CNTN3: variants seen among roughly 807,000 people sequenced by gnomAD.
CNTN3 encodes contactin-3.
A neutral mutation model predicts 119.1 loss-of-function variants in CNTN3; 60 were observed. The observed-to-expected ratio is 0.50, with a 90% CI of 0.41 to 0.62. The LOEUF (loss-of-function observed/expected upper bound fraction) is 0.62, where lower values mean the gene tolerates loss of function less well. CNTN3 is among the 20% of genes least tolerant of loss of function. CNTN3 has a pLI of 0.00. For missense variants in CNTN3, 1,101 were observed against 1,242.4 expected (o/e 0.89, Z 1.71); for synonymous variants, 450 against 438.7 (o/e 1.03, Z -0.32).
intron 11 of CNTN3, among the ~76,000 whole-genome samples, chr3:74,344,996 G>A (rs1261420435): frequency 6.6e-6 from 1 of 152,080 alleles, no homozygotes; most frequent in East Asian, 1.9e-4. Context: ...ATCCAATGAC[G>A]CAGAAGTAGG....
At chr3:74,366,969 A>G (rs1262088095) in intron 8 of CNTN3, among the ~76,000 whole-genome samples, 1 of 148,946 alleles carries the variant, frequency 6.7e-6, no homozygotes, top group Non-Finnish European at 1.5e-5. Context: ...AAAAAAAAAA[A>G]AAAAATCCCA....
chr3:74,313,107 T>C (rs914674249), intron 13 of CNTN3, among the ~76,000 whole-genome samples: 3 of 150,388 alleles, frequency 2.0e-5, no homozygotes, highest in Non-Finnish European at 3.0e-5. Flanking sequence ...AGCTCAATGA[T>C]ACAAAAATAG....
At chr3:74,588,220 T>C (rs951983411) in intron 1 of CNTN3, among the ~76,000 whole-genome samples, 9 of 151,952 alleles carry the variant, frequency 5.9e-5, no homozygotes, top group East Asian at 5.8e-4. Flanking sequence ...TCAATGTTCA[T>C]CAAAATCTCC....
intron 1 of CNTN3, among the ~76,000 whole-genome samples, chr3:74,583,184 TGA>T (rs975959086): frequency 2.6e-5 from 4 of 152,106 alleles, no homozygotes; most frequent in Non-Finnish European, 5.9e-5. Flanking sequence ...GTTTGGTGTG[TGA>T]GAGTTAGGTG....
chr3:74,521,222 T>TA (rs59140298), intron 1 of CNTN3, 30 bp from the exon 2 acceptor site: 15,204 of 317,474 alleles, frequency 0.048, 164 homozygotes, highest in East Asian at 0.071. Flanking sequence ...AGAAGTTCGT[T>TA]AAAAAAAAAA....
chr3:74,399,730 A>G (rs945152123), intron 5 of CNTN3, among the ~76,000 whole-genome samples: 2 of 152,160 alleles, frequency 1.3e-5, no homozygotes, highest in Non-Finnish European at 2.9e-5. Flanking sequence ...ATCTTCCACA[A>G]TAGCTGAACT....
At chr3:74,467,644 A>G (rs1456062980) in intron 4 of CNTN3, among the ~76,000 whole-genome samples, 1 of 152,130 alleles carries the variant, frequency 6.6e-6, no homozygotes, top group Non-Finnish European at 1.5e-5. Flanking sequence ...ATCTGAAATT[A>G]AGGGGTTGAG....
intron 5 of CNTN3, among the ~76,000 whole-genome samples, chr3:74,378,644 C>A (rs1559571892): frequency 6.6e-6 from 1 of 152,168 alleles, no homozygotes; most frequent in Non-Finnish European, 1.5e-5. Flanking sequence ...CACACTCATT[C>A]AATTACTATT....
intron 3 of CNTN3, among the ~76,000 whole-genome samples, chr3:74,493,460 G>C (rs1476797340): frequency 6.6e-6 from 1 of 152,090 alleles, no homozygotes; most frequent in African/African-American, 2.4e-5. Flanking sequence ...ACATTCTAGA[G>C]AGAAACAAAC....
At chr3:74,428,602 T>C (rs975945167) in intron 4 of CNTN3, among the ~76,000 whole-genome samples, 1 of 152,222 alleles carries the variant, frequency 6.6e-6, no homozygotes, top group African/African-American at 2.4e-5. Context: ...TCAAAATTCA[T>C]AAAACATTAA....
chr3:74,358,440 T>TA lies in CNTN3; in HGVS notation c.1364+3449dup, dbSNP rs748434044. Among the ~76,000 whole-genome samples, 1,130 of 135,174 alleles carry TA rather than the reference T, an allele frequency of 8.4e-3. 5 individuals carry two copies. Among genetic ancestry groups the TA allele is most frequent in the East Asian group, 0.036 (170 of 4,702 alleles). The allele number at this position is 135,174 out of a possible 152,430, so 88.7% of individuals were successfully genotyped here. A position where few individuals can be genotyped will look rare whatever the true frequency, so the allele number is the denominator to read the frequency against. ...TGTTTATTGGGTGCATTCCCGTCCA[T>TA]AAAAAAAAAAAAAAATTCTGTATTT... On this transcript the variant is annotated intron_variant, in intron 11 of 22. Transcript: ENST00000263665.
At chr3:74,427,879 GA>G (rs529840836) in intron 4 of CNTN3, among the ~76,000 whole-genome samples, 1,873 of 151,654 alleles carry the variant, frequency 0.012, 20 homozygotes, top group Non-Finnish European at 0.017. Flanking sequence ...TAATGAAAAA[GA>G]AAAAAAATGC....
intron 13 of CNTN3, among the ~76,000 whole-genome samples, chr3:74,316,364 G>C (rs1246544093): frequency 6.6e-6 from 1 of 152,138 alleles, no homozygotes; most frequent in African/African-American, 2.4e-5. Flanking sequence ...GTGGAGTAAA[G>C]GAAACAGGTA....
chr3:74,499,393 A>G (rs990493019), intron 3 of CNTN3, among the ~76,000 whole-genome samples: 2 of 152,100 alleles, frequency 1.3e-5, no homozygotes, highest in African/African-American at 4.8e-5. Flanking sequence ...TGTAAATCCA[A>G]GTTTATAAAT....
chr3:74,444,197 T>C (rs1043049939), intron 4 of CNTN3, among the ~76,000 whole-genome samples: 7 of 152,232 alleles, frequency 4.6e-5, no homozygotes, highest in African/African-American at 1.7e-4. Context: ...ATGGCTCATC[T>C]TAACTACTTA....
intron 1 of CNTN3, among the ~76,000 whole-genome samples, chr3:74,558,870 G>A (rs987444786): frequency 2.0e-5 from 3 of 151,836 alleles, no homozygotes; most frequent in African/African-American, 7.3e-5. Context: ...TGTAATCCCA[G>A]CTGTTCTGGA....
At chr3:74,295,364 T>C (rs1037078094) in intron 18 of CNTN3, 128 bp from the exon 19 acceptor site, 1 of 561,000 alleles carries the variant, frequency 1.8e-6, no homozygotes, top group Non-Finnish European at 3.1e-6. Context: ...TCTGGCACCA[T>C]ATGTTGAAAA....
intron 13 of CNTN3, among the ~76,000 whole-genome samples, chr3:74,313,233 A>C (rs1702741057): frequency 6.6e-6 from 1 of 152,150 alleles, no homozygotes; most frequent in Non-Finnish European, 1.5e-5. Context: ...AAAGAGAAGA[A>C]AGGGAGAAAG....
intron 1 of CNTN3, among the ~76,000 whole-genome samples, chr3:74,526,231 G>C (rs1377455238): frequency 6.6e-6 from 1 of 150,624 alleles, no homozygotes; most frequent in Non-Finnish European, 1.5e-5. Flanking sequence ...AAAAAAACTT[G>C]AGCAGCTTAC....
Sources: allele counts gnomAD v4.1 joint callset (sites outside exome capture counted in the v4.1 genomes callset), GRCh38; gene constraint gnomAD v4.1.1; transcripts MANE v1.5; gene names NCBI Gene and HGNC (gene_info 2026-07-23, HGNC 2026-07-21).